The following STXBP5 variants were observed in gnomAD, a reference collection of about 807,000 sequenced individuals.
The protein encoded by STXBP5 is syntaxin-binding protein 5.
Under a neutral mutation model 152.4 loss-of-function variants are expected in STXBP5, and 50 were observed. The ratio of observed to expected loss-of-function variants is 0.33; its 90% CI spans 0.26 to 0.42. STXBP5 has a LOEUF of 0.42. STXBP5 is among the 10% of genes least tolerant of loss of function. The pLI, the probability that STXBP5 is intolerant of heterozygous loss-of-function variation, is 1.00. For missense variants in STXBP5, 1,167 were observed against 1,388.6 expected, an observed-to-expected ratio of 0.84 and a Z score of 2.54; for synonymous variants, 492 against 494.7, an observed-to-expected ratio of 0.99 and a Z score of 0.07.
intron 22 of STXBP5, among the ~76,000 whole-genome samples, chr6:147,358,594 CT>C (rs1784914944): frequency 6.6e-6 from 1 of 152,162 alleles, no homozygotes; most frequent in East Asian, 1.9e-4. Flanking sequence ...AATTTTTGAT[CT>C]CCAAAAACTT....
At chr6:147,357,767 C>T (rs1368202666) in intron 22 of STXBP5, among the ~76,000 whole-genome samples, 1 of 152,050 alleles carries the variant, frequency 6.6e-6, no homozygotes, top group African/African-American at 2.4e-5. Context: ...AACTGTGGCT[C>T]ATCTTAAGTG....
chr6:147,375,590 A>G (rs920316002), intron 26 of STXBP5, among the ~76,000 whole-genome samples: 2 of 151,448 alleles, frequency 1.3e-5, no homozygotes, highest in African/African-American at 4.8e-5. Context: ...TCAAGAAGGA[A>G]ATAGGAAGGA....
At chr6:147,345,029 C>T (rs1784259595) in intron 21 of STXBP5, among the ~76,000 whole-genome samples, 1 of 152,092 alleles carries the variant, frequency 6.6e-6, no homozygotes, top group Non-Finnish European at 1.5e-5. Context: ...AGATTTACCT[C>T]TATTTCAGGT....
intron 18 of STXBP5, among the ~76,000 whole-genome samples, chr6:147,331,955 A>G (rs962898871): frequency 1.3e-5 from 2 of 152,316 alleles, no homozygotes; most frequent in East Asian, 1.9e-4. Context: ...GAATAATACT[A>G]TCTACTTCAT....
chr6:147,316,103 AT>A, intron 15 of STXBP5, 125 bp from the exon 16 acceptor site: 1 of 984,192 alleles, frequency 1.0e-6, no homozygotes, highest in Non-Finnish European at 1.5e-6. Flanking sequence ...ATCTTGCTAA[AT>A]TTTTACCTTT....
intron 22 of STXBP5, among the ~76,000 whole-genome samples, chr6:147,353,777 C>T (rs960157104): frequency 3.1e-4 from 47 of 152,066 alleles, no homozygotes; most frequent in African/African-American, 1.1e-3. Context: ...TAACTTTTTT[C>T]TGTATTACAG....
At chr6:147,359,591 C>T (rs1784971474) in intron 23 of STXBP5, among the ~76,000 whole-genome samples, 4 of 147,828 alleles carry the variant, frequency 2.7e-5, no homozygotes, top group Admixed American at 6.8e-5. Flanking sequence ...GGTATATCTC[C>T]CAATGCTATC....
chr6:147,307,165 C>T (rs937015616), intron 9 of STXBP5, among the ~76,000 whole-genome samples: 7 of 152,156 alleles, frequency 4.6e-5, no homozygotes, highest in Non-Finnish European at 8.8e-5. Context: ...AGCGTGTTTA[C>T]TCCATCAAGT....
rs548702122 is a variant in STXBP5, at chr6:147,296,284, T to G, written c.917+5112T>G. ...TTCACCCCCCAAGTCAACCTGAAAA[T>G]CAGCCCATCAAGCCTAAACCTGGCT... On this transcript the variant is annotated intron_variant, in intron 9 of 27. Coordinates refer to ENST00000321680, the MANE Select transcript of STXBP5 (RefSeq NM_001127715.4). 2.2e-4 allele frequency among the ~76,000 whole-genome samples: 33 copies of G among 150,776 alleles called. 1 individual carries two copies. The highest frequency in any genetic ancestry group is 7.6e-4 in the African/African-American group (31 of 40,966).
At chr6:147,291,248 T>A (rs996122697) in intron 9 of STXBP5, 76 bp downstream of exon 9, 4 of 1,195,614 alleles carry the variant, frequency 3.3e-6, no homozygotes, top group Non-Finnish European at 3.6e-6. Context: ...TTATCATTAA[T>A]TTTGAAGGCC....
intron 9 of STXBP5, among the ~76,000 whole-genome samples, chr6:147,302,043 C>T (rs1204756615): frequency 1.3e-5 from 2 of 152,108 alleles, no homozygotes; most frequent in African/African-American, 2.4e-5. Context: ...AGTATATGCC[C>T]AAGATTGGAC....
chr6:147,354,197 A>G (rs1368989846), intron 22 of STXBP5, among the ~76,000 whole-genome samples: 2 of 152,128 alleles, frequency 1.3e-5, no homozygotes, highest in East Asian at 1.9e-4. Flanking sequence ...TATGTTTGCT[A>G]TGCATCATAC....
chr6:147,332,396 G>A (rs73586346), intron 18 of STXBP5, among the ~76,000 whole-genome samples: 2,536 of 152,268 alleles, frequency 0.017, 51 homozygotes, highest in African/African-American at 0.055. Context: ...ATGATGGAGT[G>A]TTAAATTTAA....
Position 147,364,097 on chromosome 6 carries a change from A to G in STXBP5, c.3012A>G (p.Ala1004=), listed in dbSNP as rs1021254852. Residue 1004 remains alanine, a synonymous_variant, in exon 25 of 28, where the codon GCA becomes GCG. Transcript: ENST00000321680. The part of the protein sequence containing the change: ...RTFCFTNNGQ[A]LYLVSPTEIQ... ...TCTGCTTTACCAACAATGGACAAGC[A>G]TTATACCTTGTTTCACCTACAGAAA... The G allele has an allele frequency of 6.2e-7, 1 of 1,613,916 alleles. No individual in the cohort carries two copies. The highest frequency in any genetic ancestry group is 1.3e-5 in the African/African-American group (1 of 74,938).
chr6:147,329,616 G>GTTT (rs1783452402), intron 18 of STXBP5, among the ~76,000 whole-genome samples: 4 of 48,222 alleles, frequency 8.3e-5, no homozygotes, highest in Admixed American at 2.8e-4. Flanking sequence ...TGTTCTTCAG[G>GTTT]CTTTTTTTTT....
At position 147,291,146 on chromosome 6, in the gene STXBP5, G is replaced by A. The variant is rs1177261766; in HGVS notation, c.891G>A (p.Lys297=). 5.6e-6 allele frequency: 9 copies of A among 1,612,346 alleles called. No homozygotes were observed. Among genetic ancestry groups the A allele is most frequent in the Non-Finnish European group, 7.6e-6 (9 of 1,179,134 alleles). ...KKPEPCKPIL[K]VEFKTTRSGE... Reference sequence around the variant, plus strand: ...CAGAACCATGCAAACCTATCCTCAAGGTGGAATTCAAAACGACTAGATCTG... The same window carrying A: ...CAGAACCATGCAAACCTATCCTCAAAGTGGAATTCAAAACGACTAGATCTG... Residue 297 remains lysine, a synonymous_variant, in exon 9 of 28, where the codon AAG becomes AAA. Transcript: ENST00000321680.
intron 9 of STXBP5, among the ~76,000 whole-genome samples, chr6:147,304,005 C>G (rs574756651): frequency 9.2e-5 from 14 of 152,220 alleles, no homozygotes; most frequent in African/African-American, 3.4e-4. Context: ...AACTTTGCAG[C>G]CTGATGATGT....
At chr6:147,294,562 A>G (rs1045062274) in intron 9 of STXBP5, among the ~76,000 whole-genome samples, 1 of 152,128 alleles carries the variant, frequency 6.6e-6, no homozygotes, top group African/African-American at 2.4e-5. Context: ...CAAGTGTACA[A>G]GTGGCAAGGT....
chr6:147,334,161 T>G lies in STXBP5; in HGVS notation c.2085T>G (p.Gly695=). Reference sequence around the variant, plus strand: ...TTTTTTGTTTTTGTTTTGTAGCCGGTCTGTGTGATATTAGTGAAGGGACTG... The same window carrying G: ...TTTTTTGTTTTTGTTTTGTAGCCGGGCTGTGTGATATTAGTGAAGGGACTG... ...PRKSRQPSGA[G]LCDISEGTVV... Residue 695 remains glycine, a synonymous_variant, in exon 19 of 28, where the codon GGT becomes GGG. Coordinates refer to ENST00000321680, the MANE Select transcript of STXBP5 (RefSeq NM_001127715.4). The G allele has an allele frequency of 6.2e-7, 1 of 1,612,676 alleles. No homozygotes were observed.
Sources: allele counts gnomAD v4.1 joint callset (sites outside exome capture counted in the v4.1 genomes callset), GRCh38; gene constraint gnomAD v4.1.1; transcripts MANE v1.5; gene names NCBI Gene and HGNC (gene_info 2026-07-23, HGNC 2026-07-21).